Variants in ANO2 observed in about 807,000 individuals in gnomAD.
ANO2 encodes the protein anoctamin 2.
A neutral mutation model predicts 124.2 loss-of-function variants in ANO2; 101 were observed. The observed-to-expected ratio is 0.81, with a 90% confidence interval of 0.69 to 0.96. The LOEUF (loss-of-function observed/expected upper bound fraction) is 0.96, where lower values mean the gene tolerates loss of function less well. Ranked by LOEUF, ANO2 falls within the 40% of genes least tolerant of loss-of-function variation. ANO2 has a pLI of 0.00. For missense variants in ANO2, 1,293 were observed against 1,274.5 expected (o/e 1.01, Z -0.22); for synonymous variants, 486 against 482.5 (o/e 1.01, Z -0.09).
Position 5,678,997 on chromosome 12 carries a change from C to T in ANO2, c.1546-31196G>A, listed in dbSNP as rs144461719. 6.2e-3 allele frequency among the ~76,000 whole-genome samples: 950 copies of T among 152,288 alleles called. 13 individuals carry two copies. Among genetic ancestry groups the T allele is most frequent in the African/African-American group, 0.021 (878 of 41,544 alleles). Reference sequence around the variant, plus strand: ...ATGCCAGCTCAGGTGGACAAGCATTCAGGGAGCCAGTTGAATCTGAACTCG... The same window carrying T: ...ATGCCAGCTCAGGTGGACAAGCATTTAGGGAGCCAGTTGAATCTGAACTCG... On this transcript the variant is annotated intron_variant, in intron 14 of 24. Transcript: ENST00000682330.
intron 19 of ANO2, among the ~76,000 whole-genome samples, chr12:5,608,051 T>C (rs977980597): frequency 7.9e-5 from 12 of 152,140 alleles, no homozygotes; most frequent in Admixed American, 2.0e-4. Context: ...TGGGGACCAC[T>C]GTGTTAGGCC....
At chr12:5,854,866 T>C (rs1267770636) in intron 3 of ANO2, among the ~76,000 whole-genome samples, 1 of 151,860 alleles carries the variant, frequency 6.6e-6, no homozygotes, top group African/African-American at 2.4e-5. Flanking sequence ...CTGGCCCTTG[T>C]CACTATGACT....
At chr12:5,603,325 G>C (rs751449136) in intron 19 of ANO2, among the ~76,000 whole-genome samples, 3 of 152,172 alleles carry the variant, frequency 2.0e-5, no homozygotes, top group Admixed American at 6.5e-5. Flanking sequence ...AAACAAGAGT[G>C]ACCAATATAA....
chr12:5,622,963 C>CAA (rs60889578), intron 16 of ANO2, among the ~76,000 whole-genome samples: 13 of 106,652 alleles, frequency 1.2e-4, no homozygotes, highest in South Asian at 2.9e-4. Flanking sequence ...GGCTCTGTCT[C>CAA]AAAAAAAAAA....
chr12:5,752,864 A>T (rs1167080235), intron 10 of ANO2, among the ~76,000 whole-genome samples: 1 of 152,158 alleles, frequency 6.6e-6, no homozygotes, highest in Non-Finnish European at 1.5e-5. Flanking sequence ...TTAAGTCTTT[A>T]ATCCATTTTA....
At chr12:5,733,744 C>G (rs1950741341) in intron 13 of ANO2, among the ~76,000 whole-genome samples, 1 of 152,252 alleles carries the variant, frequency 6.6e-6, no homozygotes, top group Admixed American at 6.5e-5. Flanking sequence ...CACCCATTCT[C>G]CGAGGGGACG....
chr12:5,711,075 A>G (rs1233466184), intron 14 of ANO2, among the ~76,000 whole-genome samples: 1 of 151,510 alleles, frequency 6.6e-6, no homozygotes, highest in Non-Finnish European at 1.5e-5. Context: ...GGAGAATGGC[A>G]TGAACCTGGG....
intron 12 of ANO2, among the ~76,000 whole-genome samples, chr12:5,739,749 C>A (rs1055031404): frequency 1.3e-5 from 2 of 152,232 alleles, no homozygotes; most frequent in Admixed American, 1.3e-4. Flanking sequence ...TTTTGACAAG[C>A]CTCATCTTGC....
Position 5,600,843 on chromosome 12 carries a change from A to G in ANO2, c.2088-1214T>C, listed in dbSNP as rs991666008. Among the ~76,000 whole-genome samples, 10 of 152,302 alleles carry G rather than the reference A, an allele frequency of 6.6e-5. No homozygotes were observed. In the East Asian group the frequency reaches 1.4e-3, roughly 21 times the overall value. Reference sequence around the variant, plus strand: ...TGTAGGAACCTCCCCATGTCCCCCAACATTCTTCACCCAAGACCACCCAAC... The same window carrying G: ...TGTAGGAACCTCCCCATGTCCCCCAGCATTCTTCACCCAAGACCACCCAAC... On this transcript the variant is annotated intron_variant, in intron 19 of 24. Transcript: ENST00000682330.
Position 5,835,715 on chromosome 12 carries a change from A to G in ANO2, c.634-3112T>C, listed in dbSNP as rs373914974. Among the ~76,000 whole-genome samples the G allele has an allele frequency of 6.6e-5, 10 of 152,360 alleles. No homozygotes were observed. The East Asian group carries it at 1.2e-3, about 18-fold the overall frequency. On this transcript the variant is annotated intron_variant, in intron 4 of 24. Transcript: ENST00000682330. ...TTTGATTTGTAAAATGTGAGTTGTC[A>G]TGGGAAAAGCAGTGTACAACTTACA...
At position 5,615,313 on chromosome 12, in the gene ANO2, G is replaced by C; in HGVS notation, c.1817-16C>G. ...TTCGGAACCTCTGTAAGAGAAGAGC[G>C]AGGCTGATGAGATTGGGGTGAGATT... On this transcript the variant is annotated splice_polypyrimidine_tract_variant and intron_variant, in intron 16 of 24. Transcript: ENST00000682330. 6.3e-7 allele frequency: 1 copy of C among 1,592,196 alleles called. No homozygotes were observed. Among genetic ancestry groups the C allele is most frequent in the African/African-American group, 1.3e-5 (1 of 74,572 alleles).
chr12:5,801,129 C>CA (rs1166258941), intron 9 of ANO2, among the ~76,000 whole-genome samples: 1 of 152,180 alleles, frequency 6.6e-6, no homozygotes, highest in Non-Finnish European at 1.5e-5. Context: ...CCACTGGACT[C>CA]AGTGGCTTTG....
chr12:5,910,545 A>T (rs1351488828), intron 3 of ANO2, among the ~76,000 whole-genome samples: 1 of 152,232 alleles, frequency 6.6e-6, no homozygotes, highest in Non-Finnish European at 1.5e-5. Flanking sequence ...TGCCTATATT[A>T]TTAATTGAAG....
intron 6 of ANO2, among the ~76,000 whole-genome samples, chr12:5,829,855 TAGA>T (rs1260327412): frequency 1.3e-5 from 2 of 152,192 alleles, no homozygotes; most frequent in African/African-American, 4.8e-5. Context: ...AAAACGACTG[TAGA>T]AGAAGAGCTA....
chr12:5,845,876 A>G (rs1954670972), intron 4 of ANO2, among the ~76,000 whole-genome samples: 1 of 152,234 alleles, frequency 6.6e-6, no homozygotes, highest in African/African-American at 2.4e-5. Context: ...GTGAAAACAA[A>G]TCACGTACAT....
intron 1 of ANO2, among the ~76,000 whole-genome samples, chr12:5,928,028 G>A (rs1445343788): frequency 6.6e-6 from 1 of 152,154 alleles, no homozygotes; most frequent in Admixed American, 6.5e-5. Flanking sequence ...TCAGGAGCAA[G>A]ACAGGGCCAG....
chr12:5,648,566 G>C (rs185147035), intron 14 of ANO2, among the ~76,000 whole-genome samples: 49 of 152,336 alleles, frequency 3.2e-4, no homozygotes, highest in African/African-American at 1.1e-3. Flanking sequence ...GTCATTTGGT[G>C]GGGGACAGGG....
rs573516075 is a variant in ANO2 at position 5,904,514 on chromosome 12, C to A, written c.534+16526G>T. On this transcript the variant is annotated intron_variant, in intron 3 of 24. Transcript: ENST00000682330. The surrounding 1 kb of genome is among the most constrained non-coding windows in gnomAD (Gnocchi z 4.1). ...ATCACCTCTCCTGATGCCTGTAGCACGAATGAGCGGCGCACACACCTGTGG... is the reference window on the plus strand; with the variant it reads ...ATCACCTCTCCTGATGCCTGTAGCAAGAATGAGCGGCGCACACACCTGTGG... 6.6e-6 allele frequency among the ~76,000 whole-genome samples: 1 copy of A among 152,232 alleles called. No homozygotes were observed. The highest frequency in any genetic ancestry group is 1.5e-5 in the Non-Finnish European group (1 of 68,052).
chr12:5,743,103 G>A (rs1591556780), intron 12 of ANO2, among the ~76,000 whole-genome samples: 1 of 151,996 alleles, frequency 6.6e-6, no homozygotes, highest in East Asian at 1.9e-4. Context: ...GTCCCCACAG[G>A]GAATGGAGGA....
Sources: allele counts gnomAD v4.1 joint callset (sites outside exome capture counted in the v4.1 genomes callset), GRCh38; gene constraint gnomAD v4.1.1; non-coding constraint Gnocchi (gnomAD v3.1); transcripts MANE v1.5; gene names NCBI Gene and HGNC (gene_info 2026-07-23, HGNC 2026-07-21).